The following SCGB2B2 variants were observed in gnomAD, a reference collection of about 807,000 sequenced individuals.
The protein encoded by SCGB2B2 is secretoglobin family 2B member 2.
In SCGB2B2, 11 loss-of-function variants were observed where a neutral mutation model predicts 7.6. The ratio of observed to expected loss-of-function variants is 1.45; its 90% CI spans 0.91 to 2.40. The LOEUF (loss-of-function observed/expected upper bound fraction) is 2.40, where lower values mean the gene tolerates loss of function less well. SCGB2B2 is among the 30% of genes most tolerant of loss of function. SCGB2B2 has a pLI of 0.00. For missense variants in SCGB2B2, 104 were observed against 115.4 expected (o/e 0.90, Z 0.45); for synonymous variants, 50 against 48.6 (o/e 1.03, Z -0.12).
At position 34,591,258 on chromosome 19, in the gene SCGB2B2, TCTC is replaced by T. The variant is rs1198482452; in HGVS notation, c.*2294_*2296del. ...ACCTGCTCCTCCCCAGGCTTCACCT[TCTC>T]AGCAGTGGCATCACATCCAGCCAGC... On this transcript the variant is annotated 3_prime_UTR_variant, in exon 4 of 4. Transcript: ENST00000601241. Among the ~76,000 whole-genome samples, 1 of 152,286 alleles carries T rather than the reference TCTC, an allele frequency of 6.6e-6. No individual in the cohort carries two copies. Among genetic ancestry groups the T allele is most frequent in the Admixed American group, 6.5e-5 (1 of 15,298 alleles).
chr19:34,675,169 G>GT (rs1047308276), intron 1 of SCGB2B2, among the ~76,000 whole-genome samples: 2 of 152,236 alleles, frequency 1.3e-5, no homozygotes, highest in African/African-American at 4.8e-5. Context: ...AGTGTTGGCA[G>GT]TAAGAGTTGG....
intron 1 of SCGB2B2, among the ~76,000 whole-genome samples, chr19:34,614,115 CT>C (rs35248627): frequency 0.26 from 39,384 of 151,996 alleles, 6,409 homozygotes; most frequent in Middle Eastern, 0.43. Context: ...TCAGCTGAAT[CT>C]TTTTTGGGGC....
At position 34,592,562 on chromosome 19, in the gene SCGB2B2, G is replaced by A. The variant is rs930522947; in HGVS notation, c.*993C>T. Among the ~76,000 whole-genome samples the A allele has an allele frequency of 6.6e-6, 1 of 152,152 alleles. No homozygotes were observed. The highest frequency in any genetic ancestry group is 2.4e-5 in the African/African-American group (1 of 41,428). On this transcript the variant is annotated 3_prime_UTR_variant, in exon 4 of 4. Transcript: ENST00000601241. The stretch of plus-strand genomic sequence containing the variant: ...GCGACCACCGCCTGGGAGGTCCAAG[G>A]AGCCTGCGGAAAGGGCTTGAGGTTT...
rs568578352 is a variant in SCGB2B2, at chr19:34,656,395, G to A, written c.-2032+19235C>T. Among the ~76,000 whole-genome samples the A allele has an allele frequency of 1.2e-3, 179 of 151,390 alleles. 2 individuals are homozygous for A. Among genetic ancestry groups the A allele is most frequent in the Middle Eastern group, 3.4e-3 (1 of 294 alleles). On this transcript the variant is annotated intron_variant, in intron 1 of 3. Coordinates refer to ENST00000601241, the MANE Select transcript of SCGB2B2 (RefSeq NM_001025591.4). ...GAGGTGGGCAGATCACTTGAGCCAG[G>A]AGTTCAAGACCATGTTGGGCAATAT...
chr19:34,611,743 G>A (rs1241068009), intron 1 of SCGB2B2, among the ~76,000 whole-genome samples: 3 of 151,596 alleles, frequency 2.0e-5, no homozygotes, highest in Non-Finnish European at 4.4e-5. Flanking sequence ...TCCGCCTCCT[G>A]GGTTCAAAGG....
chr19:34,590,294 C>G (rs903998413), downstream of SCGB2B2, among the ~76,000 whole-genome samples: 2 of 152,190 alleles, frequency 1.3e-5, no homozygotes, highest in Non-Finnish European at 2.9e-5. Context: ...GACCTGACCT[C>G]TCTCAAATGG....
intron 1 of SCGB2B2, among the ~76,000 whole-genome samples, chr19:34,663,548 A>G (rs1346413064): frequency 5.9e-5 from 9 of 152,264 alleles, no homozygotes; most frequent in African/African-American, 1.9e-4. Context: ...ATCCACTAAA[A>G]TAACAGAAAA....
intron 1 of SCGB2B2, among the ~76,000 whole-genome samples, chr19:34,670,945 A>G (rs1255772038): frequency 6.6e-6 from 1 of 152,116 alleles, no homozygotes; most frequent in African/African-American, 2.4e-5. Flanking sequence ...TTGTTTTGAG[A>G]TGGAGTCTTT....
intron 1 of SCGB2B2, among the ~76,000 whole-genome samples, chr19:34,660,873 C>A (rs1313114009): frequency 8.5e-5 from 13 of 152,070 alleles, no homozygotes; most frequent in Admixed American, 8.5e-4. Flanking sequence ...TGGAACCAAC[C>A]CAAATGTCCA....
At chr19:34,639,686 C>T (rs958779987) in intron 1 of SCGB2B2, among the ~76,000 whole-genome samples, 2 of 152,162 alleles carry the variant, frequency 1.3e-5, no homozygotes, top group African/African-American at 4.8e-5. Context: ...CACCAGGAGG[C>T]GCTCTTTTCC....
intron 1 of SCGB2B2, chr19:34,645,562 ACACACACACACG>A (rs2066987642): frequency 9.3e-6 from 2 of 216,158 alleles, no homozygotes; most frequent in South Asian, 5.9e-5. Context: ...ACACACACAC[ACACACACACACG>A]AAGGTGTGTG....
chr19:34,656,870 G>A (rs1409741637), intron 1 of SCGB2B2, among the ~76,000 whole-genome samples: 1 of 151,022 alleles, frequency 6.6e-6, no homozygotes, highest in Non-Finnish European at 1.5e-5. Context: ...AAGCAAAAAA[G>A]AAATTCATCT....
chr19:34,667,750 C>T (rs1414166342), intron 1 of SCGB2B2, among the ~76,000 whole-genome samples: 1 of 152,154 alleles, frequency 6.6e-6, no homozygotes. Context: ...TGGAGACCCT[C>T]CTCCTGTAAC....
rs1034550501 is a variant in SCGB2B2, at chr19:34,592,089, G to C, written c.*1466C>G. Reference sequence around the variant, plus strand: ...AAATGAGGCCAATTCTGGGGACAGAGGGGAGATGATGTGTCCTGAGATGGG... The same window carrying C: ...AAATGAGGCCAATTCTGGGGACAGACGGGAGATGATGTGTCCTGAGATGGG... On this transcript the variant is annotated 3_prime_UTR_variant, in exon 4 of 4. Transcript: ENST00000601241. Among the ~76,000 whole-genome samples, 2 of 152,170 alleles carry C rather than the reference G, an allele frequency of 1.3e-5. No individual in the cohort carries two copies. Among genetic ancestry groups the C allele is most frequent in the African/African-American group, 4.8e-5 (2 of 41,444 alleles).
chr19:34,640,881 TAG>T (rs1309505865), intron 1 of SCGB2B2, among the ~76,000 whole-genome samples: 99 of 152,260 alleles, frequency 6.5e-4, no homozygotes, highest in Non-Finnish European at 1.2e-3. Flanking sequence ...TGCAGGGACT[TAG>T]AGCTCATACA....
intron 1 of SCGB2B2, among the ~76,000 whole-genome samples, chr19:34,613,270 T>G (rs1460687529): frequency 6.6e-6 from 1 of 152,124 alleles, no homozygotes; most frequent in Non-Finnish European, 1.5e-5. Flanking sequence ...AGCTAATTTT[T>G]GTATATTCAG....
downstream of SCGB2B2, among the ~76,000 whole-genome samples, chr19:34,587,869 G>A (rs1470961887): frequency 1.3e-5 from 2 of 151,906 alleles, no homozygotes; most frequent in East Asian, 1.9e-4. Flanking sequence ...TTGCATCCCT[G>A]GGTTGAATTC....
At chr19:34,665,347 A>G (rs1298988103) in intron 1 of SCGB2B2, among the ~76,000 whole-genome samples, 5 of 152,186 alleles carry the variant, frequency 3.3e-5, no homozygotes, top group African/African-American at 9.6e-5. Flanking sequence ...CAGAGTCCCA[A>G]GTGAGGCTGA....
chr19:34,634,606 C>G (rs1423406408), intron 1 of SCGB2B2, among the ~76,000 whole-genome samples: 2 of 152,298 alleles, frequency 1.3e-5, no homozygotes, highest in East Asian at 1.9e-4. Flanking sequence ...ACCAAGCAGA[C>G]AGCATCCTCC....
Sources: allele counts gnomAD v4.1 joint callset (sites outside exome capture counted in the v4.1 genomes callset), GRCh38; gene constraint gnomAD v4.1.1; transcripts MANE v1.5; gene names NCBI Gene and HGNC (gene_info 2026-07-23, HGNC 2026-07-21).